Variants in AGAP1 observed in about 807,000 individuals in gnomAD.
The protein encoded by AGAP1 is ArfGAP with GTPase domain, ankyrin repeat and PH domain 1.
In AGAP1, 29 loss-of-function variants were observed where a neutral mutation model predicts 105.3. The observed-to-expected ratio is 0.28, with a 90% confidence interval of 0.21 to 0.38. AGAP1 has a LOEUF of 0.38. Ranked by LOEUF, AGAP1 falls within the 10% of genes least tolerant of loss-of-function variation. AGAP1 has a pLI of 1.00. For missense variants in AGAP1, 998 were observed against 1,165.1 expected (o/e 0.86, Z 2.09); for synonymous variants, 509 against 485.9 (o/e 1.05, Z -0.63).
At position 235,686,656 on chromosome 2, in the gene AGAP1, T is replaced by G. The variant is rs1351846450; in HGVS notation, c.164-22523T>G. ...ATATATATATATATAGATATATATA[T>G]ATATATATATTTTTTTTTTTTTTTA... On this transcript the variant is annotated intron_variant, in intron 1 of 17. Coordinates refer to ENST00000304032, the MANE Select transcript of AGAP1 (RefSeq NM_001037131.3). Among the ~76,000 whole-genome samples the G allele has an allele frequency of 2.7e-4, 16 of 58,460 alleles. 2 individuals carry two copies. In the South Asian group the frequency reaches 2.9e-3, roughly 10 times the overall value. The allele number at this position is 58,460 out of a possible 152,430, so 38.4% of individuals were successfully genotyped here. A position where few individuals can be genotyped will look rare whatever the true frequency, so the allele number is the denominator to read the frequency against.
chr2:235,517,966 C>T lies in AGAP1; in HGVS notation c.163+23117C>T, dbSNP rs1428284279. Among the ~76,000 whole-genome samples, 4 of 146,320 alleles carry T rather than the reference C, an allele frequency of 2.7e-5. No individual in the cohort carries two copies. Among genetic ancestry groups the T allele is most frequent in the Non-Finnish European group, 4.5e-5 (3 of 66,840 alleles). On this transcript the variant is annotated intron_variant, in intron 1 of 17. Coordinates refer to ENST00000304032, the MANE Select transcript of AGAP1 (RefSeq NM_001037131.3). The surrounding 1 kb of genome is among the most constrained non-coding windows in gnomAD (Gnocchi z 4.1). ...AAAAAAAGAAAAAAAAAAGGTAGAA[C>T]TCATAGTTGCCATTGAGGTCTGAGT...
intron 2 of AGAP1, among the ~76,000 whole-genome samples, chr2:235,713,897 G>A (rs189024411): frequency 2.0e-5 from 3 of 152,300 alleles, no homozygotes; most frequent in East Asian, 1.9e-4. Flanking sequence ...GGAGGAAGAC[G>A]CGAGAGGTCT....
At chr2:235,853,142 G>T in intron 9 of AGAP1, 1 of 1,165,168 alleles carries the variant, frequency 8.6e-7, no homozygotes, top group Non-Finnish European at 1.1e-6. Flanking sequence ...ATTTACTGGC[G>T]CTTTGCATGT....
rs537880762 is a variant in AGAP1 at position 236,123,973 on chromosome 2, G to T, written c.2425G>T (p.Ala809Ser). 1.4e-5 allele frequency: 22 copies of T among 1,613,894 alleles called. No homozygotes were observed. The African/African-American group carries it at 2.1e-4, about 16-fold the overall frequency. ...CCACGGGAACACAGCTCTGGCCTAC[G>T]CCCGGCAGGCCTCCAGCCAGGAGTG... ...DAHGNTALAY[A>S]RQASSQECID... Residue 809 changes from alanine (A) to serine (S), a missense_variant, in exon 18 of 18, where the codon GCC becomes TCC. Physicochemically the swap from Ala to Ser is moderately conservative, Grantham distance 99. Around this residue, in one of 3 missense-constraint regions of AGAP1, gnomAD observed 235 missense variants for 270.7 expected, o/e 0.87. Transcript: ENST00000304032. This position sits in a 1 kb window ranked among gnomAD's most constrained non-coding sequence, Gnocchi z 4.6.
At chr2:235,593,088 G>A (rs1945405691) in intron 1 of AGAP1, among the ~76,000 whole-genome samples, 1 of 152,170 alleles carries the variant, frequency 6.6e-6, no homozygotes, top group Admixed American at 6.5e-5. Context: ...TGAGGGAGAG[G>A]GGAGAGGGAT....
rs140891166 is a variant in AGAP1, at chr2:235,973,308, C to T, written c.1645+4685C>T. ...CTTAGGTTTACCATTTAAAATGAAT[C>T]GGAGGAATCTGGAAAGTTACAGAAG... On this transcript the variant is annotated intron_variant, in intron 13 of 17. Coordinates refer to ENST00000304032, the MANE Select transcript of AGAP1 (RefSeq NM_001037131.3). This position sits in a 1 kb window ranked among gnomAD's most constrained non-coding sequence, Gnocchi z 4.7. Among the ~76,000 whole-genome samples the T allele has an allele frequency of 0.014, 2,180 of 152,224 alleles. 34 individuals carry two copies. The highest frequency in any genetic ancestry group is 0.019 in the Non-Finnish European group (1,288 of 68,008).
rs569258196 is a variant in AGAP1 at position 235,646,342 on chromosome 2, T to C, written c.164-62837T>C. ...GCCATCTTAAGATAATGCATCTTTATTTAACAGTTATGAATAGAATCTCTC... is the reference window on the plus strand; with the variant it reads ...GCCATCTTAAGATAATGCATCTTTACTTAACAGTTATGAATAGAATCTCTC... On this transcript the variant is annotated intron_variant, in intron 1 of 17. Coordinates refer to ENST00000304032, the MANE Select transcript of AGAP1 (RefSeq NM_001037131.3). 2.0e-5 allele frequency among the ~76,000 whole-genome samples: 3 copies of C among 152,262 alleles called. No individual in the cohort carries two copies. In the South Asian group the frequency reaches 6.2e-4, roughly 32 times the overall value.
intron 6 of AGAP1, among the ~76,000 whole-genome samples, chr2:235,772,586 G>T (rs1241018509): frequency 6.6e-6 from 1 of 152,196 alleles, no homozygotes; most frequent in South Asian, 2.1e-4. Context: ...CACTTAGTCA[G>T]TTGACCCAGC....
At position 235,724,607 on chromosome 2, in the gene AGAP1, G is replaced by T. The variant is rs565231127; in HGVS notation, c.310+6963G>T. Among the ~76,000 whole-genome samples, 67 of 152,230 alleles carry T rather than the reference G, an allele frequency of 4.4e-4. No individual in the cohort carries two copies. The highest frequency in any genetic ancestry group is 1.5e-3 in the African/African-American group (64 of 41,548). The stretch of plus-strand genomic sequence containing the variant: ...GGTGGGGGGAGGGGGAGTTCCCTAT[G>T]TAAAGAAGAGTCCAAAACAGATAAG... On this transcript the variant is annotated intron_variant, in intron 3 of 17. Transcript: ENST00000304032. This position sits in a 1 kb window ranked among gnomAD's most constrained non-coding sequence, Gnocchi z 4.9.
In AGAP1 at chr2:235,555,611, A is replaced by G. The variant is rs139675222; in HGVS notation, c.163+60762A>G. ...TTGGAGGCCGGGCTGTGCATGAGCT[A>G]TGCAGGCCTTGGGGTCTTTTCATCA... On this transcript the variant is annotated intron_variant, in intron 1 of 17. Transcript: ENST00000304032. The surrounding 1 kb of genome is among the most constrained non-coding windows in gnomAD (Gnocchi z 5.1). 1.3e-5 allele frequency among the ~76,000 whole-genome samples: 2 copies of G among 152,332 alleles called. No individual in the cohort carries two copies. The highest frequency in any genetic ancestry group is 1.9e-4 in the East Asian group (1 of 5,180).
At position 235,824,478 on chromosome 2, in the gene AGAP1, G is replaced by C. The variant is rs1177681567; in HGVS notation, c.1050+17147G>C. On this transcript the variant is annotated intron_variant, in intron 9 of 17. Transcript: ENST00000304032. The surrounding 1 kb of genome is among the most constrained non-coding windows in gnomAD (Gnocchi z 5.2). Reference sequence around the variant, plus strand: ...AATGTTGTACAGCCAATCAAAAAGAGATACTTGTAAACTCATTTACAGCGT... The same window carrying C: ...AATGTTGTACAGCCAATCAAAAAGACATACTTGTAAACTCATTTACAGCGT... Among the ~76,000 whole-genome samples the C allele has an allele frequency of 6.6e-6, 1 of 152,196 alleles. No individual in the cohort carries two copies. Among genetic ancestry groups the C allele is most frequent in the Non-Finnish European group, 1.5e-5 (1 of 68,038 alleles).
In AGAP1 at chr2:236,036,918, C is replaced by G. The variant is rs936427521; in HGVS notation, c.1800+203C>G. On this transcript the variant is annotated intron_variant, in intron 14 of 17. Coordinates refer to ENST00000304032, the MANE Select transcript of AGAP1 (RefSeq NM_001037131.3). This position sits in a 1 kb window ranked among gnomAD's most constrained non-coding sequence, Gnocchi z 5.7. ...TCATACATGAGTATTCCAGCCTGAC[C>G]GTGCTTCCCTGGCAGGAGAGCCAAG... 5.9e-5 allele frequency among the ~76,000 whole-genome samples: 9 copies of G among 152,230 alleles called. No homozygotes were observed. Among genetic ancestry groups the G allele is most frequent in the Non-Finnish European group, 1.2e-4 (8 of 68,038 alleles).
intron 1 of AGAP1, among the ~76,000 whole-genome samples, chr2:235,676,613 A>G (rs1001386428): frequency 6.6e-6 from 1 of 152,232 alleles, no homozygotes; most frequent in Non-Finnish European, 1.5e-5. Context: ...CCAGATCCTT[A>G]TGACTAATGC....
At position 235,568,623 on chromosome 2, in the gene AGAP1, G is replaced by T. The variant is rs1431998026; in HGVS notation, c.163+73774G>T. Among the ~76,000 whole-genome samples, 8 of 152,176 alleles carry T rather than the reference G, an allele frequency of 5.3e-5. 1 individual carries two copies. The East Asian group carries it at 9.6e-4, about 18-fold the overall frequency. The stretch of plus-strand genomic sequence containing the variant: ...GGCTCAGTGCCGGTTGTAAAAGGAA[G>T]CAATTGCAGTTATTTCTTGCTGCTG... On this transcript the variant is annotated intron_variant, in intron 1 of 17. Transcript: ENST00000304032.
In AGAP1 at chr2:235,999,308, A is replaced by ATGG. The variant is rs1164925574; in HGVS notation, c.1645+30706_1645+30708dup. Among the ~76,000 whole-genome samples the ATGG allele has an allele frequency of 3.7e-3, 111 of 30,356 alleles. 2 individuals are homozygous for ATGG. Among genetic ancestry groups the ATGG allele is most frequent in the East Asian group, 0.035 (40 of 1,156 alleles). The allele number at this position is 30,356 out of a possible 152,430, so 19.9% of individuals were successfully genotyped here. ...CTGAGAGGTGGTGGTGGTGATGGTG[A>ATGG]TGGTGGTGGTGGTGGTGGTGGTGAT... On this transcript the variant is annotated intron_variant, in intron 13 of 17. Transcript: ENST00000304032.
intron 1 of AGAP1, among the ~76,000 whole-genome samples, chr2:235,511,522 T>C (rs1318936104): frequency 6.6e-6 from 1 of 152,146 alleles, no homozygotes; most frequent in African/African-American, 2.4e-5. Context: ...AAATTCCACC[T>C]AGCTCTTTAT....
In AGAP1 at chr2:235,830,259, C is replaced by T. The variant is rs758446669; in HGVS notation, c.1050+22928C>T. On this transcript the variant is annotated intron_variant, in intron 9 of 17. Transcript: ENST00000304032. The surrounding 1 kb of genome is among the most constrained non-coding windows in gnomAD (Gnocchi z 5.5). ...CCAGGCTACAGTCACCGTTTGAGTG[C>T]CCGTGGAGGATTGGTTTACTTAGTA... Among the ~76,000 whole-genome samples the T allele has an allele frequency of 6.6e-6, 1 of 152,148 alleles. No individual in the cohort carries two copies. Among genetic ancestry groups the T allele is most frequent in the Non-Finnish European group, 1.5e-5 (1 of 68,036 alleles).
rs1406676684 is a variant in AGAP1, at chr2:236,078,724, A to G, written c.2114+29443A>G. 6.6e-6 allele frequency among the ~76,000 whole-genome samples: 1 copy of G among 152,156 alleles called. No homozygotes were observed. Among genetic ancestry groups the G allele is most frequent in the African/African-American group, 2.4e-5 (1 of 41,442 alleles). On this transcript the variant is annotated intron_variant, in intron 16 of 17. Coordinates refer to ENST00000304032, the MANE Select transcript of AGAP1 (RefSeq NM_001037131.3). The surrounding 1 kb of genome is among the most constrained non-coding windows in gnomAD (Gnocchi z 5.3). ...CTGTGGCTGGGTGCTAGATGGGACC[A>G]TGGGACCCAAGTCCACCCTCTGGCC...
intron 5 of AGAP1, among the ~76,000 whole-genome samples, chr2:235,746,153 C>A (rs992409202): frequency 1.3e-5 from 2 of 151,240 alleles, no homozygotes; most frequent in Non-Finnish European, 1.5e-5. Context: ...GGCATGTTGG[C>A]GGGTGTCTGT....
Sources: allele counts gnomAD v4.1 joint callset (sites outside exome capture counted in the v4.1 genomes callset), GRCh38; gene constraint gnomAD v4.1.1; regional missense constraint gnomAD v4.1.1; non-coding constraint Gnocchi (gnomAD v3.1); transcripts MANE v1.5; gene names NCBI Gene and HGNC (gene_info 2026-07-23, HGNC 2026-07-21).